The following SUPT3H variants were observed in gnomAD, a reference collection of about 807,000 sequenced individuals.
SUPT3H encodes the protein transcription initiation protein SPT3 homolog.
Under a neutral mutation model 44.3 loss-of-function variants are expected in SUPT3H, and 44 were observed. The observed-to-expected ratio is 0.99, with a 90% CI of 0.78 to 1.28. The LOEUF (loss-of-function observed/expected upper bound fraction) is 1.28. Ranked by LOEUF, SUPT3H falls within the 50% of genes most tolerant of loss-of-function variation. The probability of loss-of-function intolerance (pLI) is 0.00; values close to 1 mark genes in which losing one functional copy is unlikely to be tolerated. For missense variants in SUPT3H, 380 were observed against 387.1 expected (o/e 0.98, Z 0.15); for synonymous variants, 124 against 125.6 (o/e 0.99, Z 0.09).
At chr6:44,900,702 C>G (rs1764864240) in intron 10 of SUPT3H, among the ~76,000 whole-genome samples, 1 of 152,176 alleles carries the variant, frequency 6.6e-6, no homozygotes, top group Admixed American at 6.5e-5. Flanking sequence ...AGTTAGAGAT[C>G]TGAGAACCGA....
At chr6:44,907,703 A>G (rs1482040355) in intron 10 of SUPT3H, among the ~76,000 whole-genome samples, 2 of 152,108 alleles carry the variant, frequency 1.3e-5, no homozygotes, top group African/African-American at 4.8e-5. Flanking sequence ...TAAAATTATT[A>G]TACTCTAATT....
At chr6:45,360,359 T>C (rs1037528664) in intron 2 of SUPT3H, among the ~76,000 whole-genome samples, 5 of 152,208 alleles carry the variant, frequency 3.3e-5, no homozygotes, top group Admixed American at 6.5e-5. Context: ...CATTCATTAT[T>C]ATCACTGATA....
intron 2 of SUPT3H, among the ~76,000 whole-genome samples, chr6:45,121,463 C>T (rs1223343506): frequency 1.3e-5 from 2 of 151,698 alleles, no homozygotes; most frequent in African/African-American, 4.8e-5. Flanking sequence ...TTCTCAGTTG[C>T]AGGAGTTTCC....
chr6:44,838,975 G>C (rs1581913941), intron 10 of SUPT3H, among the ~76,000 whole-genome samples: 1 of 152,162 alleles, frequency 6.6e-6, no homozygotes, highest in South Asian at 2.1e-4. Context: ...TAACCATTCT[G>C]AAAATTTATC....
chr6:45,134,190 G>C lies in SUPT3H; in HGVS notation c.102-28184C>G, dbSNP rs190958782. Among the ~76,000 whole-genome samples the C allele has an allele frequency of 2.1e-3, 325 of 152,226 alleles. 1 individual carries two copies. The highest frequency in any genetic ancestry group is 7.5e-3 in the African/African-American group (311 of 41,528). Reference sequence around the variant, plus strand: ...TCATCCTATGGCAAAAGGTGAAAGGGCAAGAGAGTGCAAGGAAACAAGCGA... The same window carrying C: ...TCATCCTATGGCAAAAGGTGAAAGGCCAAGAGAGTGCAAGGAAACAAGCGA... On this transcript the variant is annotated intron_variant, in intron 2 of 10. Transcript: ENST00000371459.
chr6:45,365,575 AT>A (rs1740448954), intron 1 of SUPT3H, among the ~76,000 whole-genome samples: 1 of 151,048 alleles, frequency 6.6e-6, no homozygotes, highest in South Asian at 2.1e-4. Flanking sequence ...TAAAAACAGT[AT>A]TTATTAACAT....
chr6:44,921,366 T>C (rs1013515236), intron 10 of SUPT3H, among the ~76,000 whole-genome samples: 5 of 152,230 alleles, frequency 3.3e-5, no homozygotes, highest in Admixed American at 6.5e-5. Context: ...GGGTGACAGA[T>C]TGACTCATAG....
chr6:45,365,673 C>G (rs1309605806), intron 1 of SUPT3H, among the ~76,000 whole-genome samples: 2 of 147,014 alleles, frequency 1.4e-5, no homozygotes, highest in East Asian at 3.9e-4. Context: ...CTAGATGGAC[C>G]CCAAGCACAA....
chr6:45,112,010 G>C (rs1800142710), intron 2 of SUPT3H, among the ~76,000 whole-genome samples: 1 of 152,200 alleles, frequency 6.6e-6, no homozygotes, highest in Non-Finnish European at 1.5e-5. Context: ...TCTGGTTCTA[G>C]TTCCCACTAT....
intron 2 of SUPT3H, among the ~76,000 whole-genome samples, chr6:45,219,127 T>C (rs2153634509): frequency 6.6e-6 from 1 of 152,018 alleles, no homozygotes; most frequent in Non-Finnish European, 1.5e-5. Context: ...GAAACTCATA[T>C]CACTACATGC....
intron 2 of SUPT3H, among the ~76,000 whole-genome samples, chr6:45,241,710 G>A (rs1770367329): frequency 6.6e-6 from 1 of 152,054 alleles, no homozygotes; most frequent in South Asian, 2.1e-4. Context: ...AAGAGTGAGA[G>A]GTCATCAGTG....
intron 2 of SUPT3H, among the ~76,000 whole-genome samples, chr6:45,309,543 CAAG>C (rs1317149006): frequency 1.3e-5 from 2 of 150,988 alleles, no homozygotes; most frequent in Non-Finnish European, 2.9e-5. Context: ...CATAGGAGTT[CAAG>C]AAGAAGAAAG....
At chr6:45,143,251 C>T (rs1357377246) in intron 2 of SUPT3H, among the ~76,000 whole-genome samples, 2 of 152,094 alleles carry the variant, frequency 1.3e-5, no homozygotes, top group East Asian at 3.8e-4. Flanking sequence ...GCAGAATATA[C>T]ATTCTTTTCA....
chr6:44,951,887 A>ACATATT (rs1774376235), intron 9 of SUPT3H, among the ~76,000 whole-genome samples: 2 of 152,224 alleles, frequency 1.3e-5, no homozygotes, highest in Non-Finnish European at 2.9e-5. Flanking sequence ...ATACTTATAC[A>ACATATT]CATATTCATA....
chr6:45,022,329 A>T lies in SUPT3H; in HGVS notation c.187-1697T>A, dbSNP rs1785260985. ...ATAATCTCTATTCATAACATTCTCCAAAGTATCAGTTTACAAACATATTAG... is the reference window on the plus strand; with the variant it reads ...ATAATCTCTATTCATAACATTCTCCTAAGTATCAGTTTACAAACATATTAG... On this transcript the variant is annotated intron_variant, in intron 3 of 10. Transcript: ENST00000371459. 2.6e-5 allele frequency among the ~76,000 whole-genome samples: 4 copies of T among 152,008 alleles called. No individual in the cohort carries two copies. In the South Asian group the frequency reaches 8.3e-4, roughly 31 times the overall value.
chr6:45,026,872 C>G (rs933183009), intron 3 of SUPT3H, among the ~76,000 whole-genome samples: 1 of 151,802 alleles, frequency 6.6e-6, no homozygotes, highest in African/African-American at 2.4e-5. Flanking sequence ...TATGTTATAC[C>G]AAACTATTTT....
intron 2 of SUPT3H, among the ~76,000 whole-genome samples, chr6:45,334,766 A>T (rs1372518839): frequency 6.8e-6 from 1 of 148,146 alleles, no homozygotes. Flanking sequence ...ACCAGGAAAA[A>T]AATTGTAAAT....
chr6:45,130,795 G>A lies in SUPT3H; in HGVS notation c.102-24789C>T, dbSNP rs537374858. ...GGCAATGGCATGATCTCGGCTCACC[G>A]CAACCTCCGCCTTCCAGGTTCAAGC... On this transcript the variant is annotated intron_variant, in intron 2 of 10. Coordinates refer to ENST00000371459, the MANE Select transcript of SUPT3H (RefSeq NM_003599.4). Among the ~76,000 whole-genome samples the A allele has an allele frequency of 5.4e-5, 7 of 128,666 alleles. No individual in the cohort carries two copies. The South Asian group carries it at 1.6e-3, about 30-fold the overall frequency. 84.4% of individuals were successfully genotyped at this position (128,666 alleles called of 152,430 possible).
At chr6:45,122,128 AT>A (rs1426531353) in intron 2 of SUPT3H, among the ~76,000 whole-genome samples, 1 of 152,208 alleles carries the variant, frequency 6.6e-6, no homozygotes, top group Non-Finnish European at 1.5e-5. Context: ...TCTATTTACC[AT>A]AACTATATTT....
Sources: allele counts gnomAD v4.1 joint callset (sites outside exome capture counted in the v4.1 genomes callset), GRCh38; gene constraint gnomAD v4.1.1; transcripts MANE v1.5; gene names NCBI Gene and HGNC (gene_info 2026-07-23, HGNC 2026-07-21).